RSRC1: variants seen among roughly 807,000 people sequenced by gnomAD.
RSRC1 encodes serine/Arginine-related protein 53.
RSRC1 carries 39 observed loss-of-function variants against 49.1 expected under a neutral mutation model. That is an observed-to-expected ratio of 0.79 (90% CI 0.61 to 1.04). RSRC1 has a LOEUF of 1.04. RSRC1 is among the 50% of genes least tolerant of loss of function. The probability of loss-of-function intolerance (pLI) is 0.00; values close to 1 mark genes in which losing one functional copy is unlikely to be tolerated. For missense variants in RSRC1, 388 were observed against 402.4 expected (o/e 0.96, Z 0.31); for synonymous variants, 143 against 130.8 (o/e 1.09, Z -0.63).
chr3:158,421,146 T>C (rs10936139), intron 6 of RSRC1, among the ~76,000 whole-genome samples: 32,669 of 151,826 alleles, frequency 0.22, 4,102 homozygotes, highest in Non-Finnish European at 0.29. Flanking sequence ...AAGTTAGTCA[T>C]ATTAGAACCT....
At chr3:158,528,032 TATATTCATAGAGATTTAC>T (rs1712152805) in intron 7 of RSRC1, among the ~76,000 whole-genome samples, 1 of 151,874 alleles carries the variant, frequency 6.6e-6, no homozygotes, top group Non-Finnish European at 1.5e-5. Context: ...ACTACATTTA[TATATTCATAGAGATTTAC>T]ATAGAGGCAT....
chr3:158,291,556 G>A (rs544535395), intron 4 of RSRC1, among the ~76,000 whole-genome samples: 1 of 152,280 alleles, frequency 6.6e-6, no homozygotes, highest in South Asian at 2.1e-4. Context: ...TTTGGATTGA[G>A]GTGATAGGGA....
At chr3:158,455,534 G>A (rs1480432057) in intron 6 of RSRC1, among the ~76,000 whole-genome samples, 3 of 152,126 alleles carry the variant, frequency 2.0e-5, no homozygotes, top group Non-Finnish European at 2.9e-5. Context: ...TGGTAAAGAT[G>A]TGAATAAATT....
At chr3:158,121,981 G>C (rs1364699760) in intron 1 of RSRC1, 122 bp from the exon 2 acceptor site, 1 of 532,790 alleles carries the variant, frequency 1.9e-6, no homozygotes, top group Non-Finnish European at 3.0e-6. Flanking sequence ...CTCCAGCCTG[G>C]GATACAGAGG....
chr3:158,432,630 T>C (rs191777447), intron 6 of RSRC1, among the ~76,000 whole-genome samples: 76 of 152,070 alleles, frequency 5.0e-4, no homozygotes, highest in Non-Finnish European at 9.1e-4. Context: ...GCTTTCGTAG[T>C]TTTGAAAGAA....
rs374296937 is a variant in RSRC1, at chr3:158,350,747, G to A, written c.532-4110G>A. ...AGAAATTGCTATATTCTTTGCGTCTGTATTTGGTAATACTGTTTATTCATT... is the reference window on the plus strand; with the variant it reads ...AGAAATTGCTATATTCTTTGCGTCTATATTTGGTAATACTGTTTATTCATT... On this transcript the variant is annotated intron_variant, in intron 5 of 9. Transcript: ENST00000611884. 5.9e-5 allele frequency among the ~76,000 whole-genome samples: 9 copies of A among 152,186 alleles called. No individual in the cohort carries two copies. The East Asian group carries it at 1.7e-3, about 29-fold the overall frequency.
At chr3:158,221,658 A>G (rs1315707091) in intron 4 of RSRC1, among the ~76,000 whole-genome samples, 2 of 151,542 alleles carry the variant, frequency 1.3e-5, no homozygotes, top group Non-Finnish European at 3.0e-5. Context: ...CAAGATTTGT[A>G]GGGCCTACTC....
chr3:158,354,833 A>AGT, intron 5 of RSRC1, 24 bp from the exon 6 acceptor site: 1 of 1,510,422 alleles, frequency 6.6e-7, no homozygotes, highest in African/African-American at 1.4e-5. Context: ...TGTATGGTTG[A>AGT]ATTTTTTTTT....
chr3:158,340,763 G>C (rs1047459740), intron 5 of RSRC1, among the ~76,000 whole-genome samples: 1 of 152,162 alleles, frequency 6.6e-6, no homozygotes, highest in Non-Finnish European at 1.5e-5. Context: ...ATGTGGAAAC[G>C]ACTTTGGAAC....
At chr3:158,125,611 T>G (rs1715569214) in intron 3 of RSRC1, among the ~76,000 whole-genome samples, 1 of 152,188 alleles carries the variant, frequency 6.6e-6, no homozygotes, top group Non-Finnish European at 1.5e-5. Flanking sequence ...TCTTATTAAA[T>G]TTGTTAAGAC....
intron 5 of RSRC1, among the ~76,000 whole-genome samples, chr3:158,315,165 T>C (rs936008431): frequency 2.6e-5 from 4 of 152,164 alleles, no homozygotes; most frequent in African/African-American, 9.7e-5. Flanking sequence ...AAACCCATAA[T>C]ACTAATAATG....
chr3:158,436,335 A>C (rs1436329868), intron 6 of RSRC1, among the ~76,000 whole-genome samples: 1 of 151,986 alleles, frequency 6.6e-6, no homozygotes, highest in Non-Finnish European at 1.5e-5. Context: ...GTTGAATATT[A>C]TGAGTGTAGA....
intron 5 of RSRC1, among the ~76,000 whole-genome samples, chr3:158,326,647 G>A (rs1484437078): frequency 1.3e-5 from 2 of 152,066 alleles, no homozygotes; most frequent in Non-Finnish European, 2.9e-5. Context: ...TTTTATTGAG[G>A]ATTGTTGCAT....
intron 8 of RSRC1, among the ~76,000 whole-genome samples, chr3:158,538,476 T>A (rs1180761491): frequency 6.6e-6 from 1 of 151,904 alleles, no homozygotes; most frequent in East Asian, 1.9e-4. Flanking sequence ...ATGGAATTAC[T>A]ATGATTTATT....
At chr3:158,339,544 C>T (rs555283987) in intron 5 of RSRC1, among the ~76,000 whole-genome samples, 7 of 152,198 alleles carry the variant, frequency 4.6e-5, no homozygotes, top group African/African-American at 1.7e-4. Flanking sequence ...TTCTCTTACA[C>T]CATTATCATT....
At chr3:158,183,808 C>CG (rs1719771399) in intron 3 of RSRC1, among the ~76,000 whole-genome samples, 2 of 151,632 alleles carry the variant, frequency 1.3e-5, no homozygotes, top group African/African-American at 2.4e-5. Context: ...CCTAGCTACT[C>CG]GGGGGGCTGA....
chr3:158,377,529 A>G (rs533480103), intron 6 of RSRC1, among the ~76,000 whole-genome samples: 9 of 152,176 alleles, frequency 5.9e-5, no homozygotes, highest in African/African-American at 1.7e-4. Flanking sequence ...TTCTCTTGCT[A>G]TGTGATATAC....
chr3:158,122,259 C>A lies in RSRC1; in HGVS notation c.155C>A (p.Ser52Tyr). ...RKSRSKSRSWSRDLQPRSHSY... is the reference protein window; with the variant it reads ...RKSRSKSRSWYRDLQPRSHSY... ...TCAAGATCAAAGTCAAGATCTTGGT[C>A]CAGAGATCTTCAGCCTCGTTCACAT... Residue 52 changes from serine to tyrosine, a missense_variant, in exon 2 of 10, where the codon TCC becomes TAC. Coordinates refer to ENST00000611884, the MANE Select transcript of RSRC1 (RefSeq NM_001271838.2). The A allele has an allele frequency of 6.3e-7, 1 of 1,598,966 alleles. No homozygotes were observed. The highest frequency in any genetic ancestry group is 8.5e-7 in the Non-Finnish European group (1 of 1,172,188).
At chr3:158,296,892 G>C (rs1727270149) in intron 4 of RSRC1, among the ~76,000 whole-genome samples, 1 of 152,024 alleles carries the variant, frequency 6.6e-6, no homozygotes, top group East Asian at 1.9e-4. Flanking sequence ...AAGGTTGGAA[G>C]CCATGAGTAC....
Sources: gnomAD v4.1 joint callset for allele counts (sites outside exome capture counted in the v4.1 genomes callset) on GRCh38, gnomAD v4.1.1 for gene constraint, MANE v1.5 for transcripts, NCBI Gene and HGNC (gene_info 2026-07-23, HGNC 2026-07-21) for gene names.